PPARGC1A: variants seen among roughly 807,000 people sequenced by gnomAD.
The protein encoded by PPARGC1A is peroxisome proliferator-activated receptor gamma coactivator 1-alpha.
A neutral mutation model predicts 88.7 loss-of-function variants in PPARGC1A; 25 were observed. The observed-to-expected ratio is 0.28, with a 90% confidence interval of 0.21 to 0.39. The LOEUF is 0.39. Among genes scored for constraint, PPARGC1A ranks in the 10% least tolerant of loss-of-function variants. PPARGC1A has a pLI of 1.00. For missense variants in PPARGC1A, 880 were observed against 968.7 expected (o/e 0.91, Z 1.22); for synonymous variants, 363 against 355.6 (o/e 1.02, Z -0.24).
the PPARGC1A span, among the ~76,000 whole-genome samples, chr4:24,427,289 T>A: frequency 4.0e-5 from 6 of 151,700 alleles, no homozygotes; most frequent in African/African-American, 9.7e-5. Flanking sequence ...TTTATTTTTT[T>A]TTTTTTTTTG....
At chr4:24,365,857 C>T in the PPARGC1A span, among the ~76,000 whole-genome samples, 2 of 152,124 alleles carry the variant, frequency 1.3e-5, no homozygotes. Flanking sequence ...ACTCTGTAAT[C>T]TTAACAAGCT....
chr4:23,923,279 G>A, the PPARGC1A span, among the ~76,000 whole-genome samples: 1 of 152,114 alleles, frequency 6.6e-6, no homozygotes, highest in Admixed American at 6.5e-5. Context: ...TACATTATAT[G>A]CAGGTCAGCA....
chr4:24,224,140 C>A, the PPARGC1A span, among the ~76,000 whole-genome samples: 52 of 152,160 alleles, frequency 3.4e-4, no homozygotes, highest in Non-Finnish European at 7.4e-5. Flanking sequence ...GTCTTCACAC[C>A]CTGGGGGCTG....
At chr4:24,164,262 A>G in the PPARGC1A span, among the ~76,000 whole-genome samples, 1 of 152,210 alleles carries the variant, frequency 6.6e-6, no homozygotes, top group Non-Finnish European at 1.5e-5. Flanking sequence ...TACCCGATGC[A>G]GAAGCAAACC....
At chr4:24,157,771 T>C in the PPARGC1A span, among the ~76,000 whole-genome samples, 1 of 152,148 alleles carries the variant, frequency 6.6e-6, no homozygotes, top group Non-Finnish European at 1.5e-5. Context: ...ATTCCCACCA[T>C]TGTTGATTTG....
chr4:23,855,171 A>G (rs1191491299), intron 2 of PPARGC1A, among the ~76,000 whole-genome samples: 1 of 152,056 alleles, frequency 6.6e-6, no homozygotes, highest in Admixed American at 6.6e-5. Context: ...TCCTGCCACA[A>G]TTGTGAGGCC....
At chr4:23,973,385 A>G in the PPARGC1A span, among the ~76,000 whole-genome samples, 2 of 152,218 alleles carry the variant, frequency 1.3e-5, 1 homozygote, top group Non-Finnish European at 2.9e-5. Context: ...AAGGAAATGC[A>G]TCATAAAATT....
At chr4:23,987,282 G>T in the PPARGC1A span, among the ~76,000 whole-genome samples, 1 of 152,012 alleles carries the variant, frequency 6.6e-6, no homozygotes, top group African/African-American at 2.4e-5. Flanking sequence ...TGCACCTGAA[G>T]AACAGCAAAA....
At chr4:23,812,020 C>A (rs2109439509) in intron 10 of PPARGC1A, among the ~76,000 whole-genome samples, 1 of 145,882 alleles carries the variant, frequency 6.9e-6, no homozygotes, top group South Asian at 2.2e-4. Context: ...CTGGTTCAAG[C>A]AATTCTCCTG....
At chr4:24,062,660 G>C in the PPARGC1A span, among the ~76,000 whole-genome samples, 1 of 152,184 alleles carries the variant, frequency 6.6e-6, no homozygotes, top group Non-Finnish European at 1.5e-5. Flanking sequence ...CTTCGTCAGA[G>C]CTTTACAAGT....
chr4:24,228,555 C>T, the PPARGC1A span, among the ~76,000 whole-genome samples: 6 of 152,016 alleles, frequency 3.9e-5, no homozygotes, highest in Admixed American at 1.3e-4. Flanking sequence ...ATGCTCGGTA[C>T]GTGGGTGACA....
chr4:24,345,307 T>C, the PPARGC1A span, among the ~76,000 whole-genome samples: 3 of 152,036 alleles, frequency 2.0e-5, no homozygotes, highest in Non-Finnish European at 2.9e-5. Context: ...ATGATGGTAG[T>C]ATTCTGATGG....
chr4:24,161,759 G>C, the PPARGC1A span, among the ~76,000 whole-genome samples: 1 of 152,144 alleles, frequency 6.6e-6, no homozygotes, highest in African/African-American at 2.4e-5. Context: ...GGGAGCTATG[G>C]CTTCACTGAG....
At chr4:24,231,073 T>C in the PPARGC1A span, among the ~76,000 whole-genome samples, 12 of 151,084 alleles carry the variant, frequency 7.9e-5, no homozygotes, top group Admixed American at 3.3e-4. Flanking sequence ...CAGAGAAAAA[T>C]CGAGAATGAT....
At chr4:24,094,202 T>A in the PPARGC1A span, among the ~76,000 whole-genome samples, 1 of 152,210 alleles carries the variant, frequency 6.6e-6, no homozygotes, top group African/African-American at 2.4e-5. Context: ...GACAGTCACC[T>A]GGACCAACAA....
At chr4:24,229,380 C>T in the PPARGC1A span, among the ~76,000 whole-genome samples, 57 of 150,040 alleles carry the variant, frequency 3.8e-4, no homozygotes, top group African/African-American at 1.4e-3. Context: ...AACTTCTGAC[C>T]TCAGGTGATC....
intron 2 of PPARGC1A, among the ~76,000 whole-genome samples, chr4:23,844,779 ATAT>A (rs1201877847): frequency 8.2e-6 from 1 of 121,668 alleles, no homozygotes; most frequent in East Asian, 2.2e-4. Flanking sequence ...TATATGATAT[ATAT>A]TATAATAATA....
chr4:24,277,271 G>T, the PPARGC1A span, among the ~76,000 whole-genome samples: 1 of 152,100 alleles, frequency 6.6e-6, no homozygotes, highest in African/African-American at 2.4e-5. Context: ...TAGAGACGGG[G>T]TTTCGCCATG....
At chr4:24,020,642 AT>A in the PPARGC1A span, among the ~76,000 whole-genome samples, 1 of 152,076 alleles carries the variant, frequency 6.6e-6, no homozygotes, top group Non-Finnish European at 1.5e-5. Context: ...AAAGGCAGTG[AT>A]TTCACAGCTC....
Sources: allele counts gnomAD v4.1 joint callset (sites outside exome capture counted in the v4.1 genomes callset), GRCh38; gene constraint gnomAD v4.1.1; transcripts MANE v1.5; gene names NCBI Gene and HGNC (gene_info 2026-07-23, HGNC 2026-07-21).